Variants in MPND observed in about 807,000 individuals in gnomAD.
MPND encodes MPN domain containing.
Under a neutral mutation model 59.2 loss-of-function variants are expected in MPND, and 56 were observed. That is an observed-to-expected ratio of 0.95 (90% CI 0.76 to 1.18). The LOEUF is 1.18. Among genes scored for constraint, MPND ranks in the 50% most tolerant of loss-of-function variants. The pLI, the probability that MPND is intolerant of heterozygous loss-of-function variation, is 0.00. For missense variants in MPND, 671 were observed against 676.0 expected (o/e 0.99, Z 0.08); for synonymous variants, 323 against 291.9 (o/e 1.11, Z -1.09).
At chr19:4,346,035 G>A in intron 3 of MPND, 54 bp downstream of exon 3, 1 of 1,481,446 alleles carries the variant, frequency 6.8e-7, no homozygotes, top group Admixed American at 1.9e-5. Flanking sequence ...GGAATGAGGG[G>A]TGCCCAGCCT....
chr19:4,346,359 A>G (rs1972185928), intron 3 of MPND, among the ~76,000 whole-genome samples: 1 of 152,052 alleles, frequency 6.6e-6, no homozygotes, highest in Admixed American at 6.6e-5. Flanking sequence ...ATGATAATAG[A>G]TGTTCCCTGA....
At chr19:4,358,010 A>G in intron 10 of MPND, 73 bp from the exon 11 acceptor site, 2 of 1,276,790 alleles carry the variant, frequency 1.6e-6, no homozygotes, top group Non-Finnish European at 2.2e-6. Flanking sequence ...CAGCCCGGGC[A>G]CTGCCAATTG....
In MPND at chr19:4,357,316, A is replaced by G. The variant is rs779495150; in HGVS notation, c.1060A>G (p.Ser354Gly). The change falls in exon 9 of 13, where the codon AGC (serine) becomes GGC (glycine). Residue 354 changes from serine (S) to glycine (G), a missense_variant. Coordinates refer to ENST00000599840, the MANE Select transcript of MPND (RefSeq NM_001300862.2). ...LVGWYHSHPH[S>G]PALPSLQDID... ...GGGCTGGTACCACAGCCACCCACAC[A>G]GCCCGGCGCTGCCATCTCTGCAGGA... is the stretch of plus-strand genomic sequence containing the variant. The G allele has an allele frequency of 6.2e-7, 1 of 1,613,130 alleles. No homozygotes were observed. Among genetic ancestry groups the G allele is most frequent in the East Asian group, 2.2e-5 (1 of 44,882 alleles).
At chr19:4,353,536 G>A (rs1293487966) in intron 4 of MPND, among the ~76,000 whole-genome samples, 1 of 150,708 alleles carries the variant, frequency 6.6e-6, no homozygotes, top group African/African-American at 2.4e-5. Context: ...CCAAAGTGTT[G>A]GGATTACAGG....
rs1568402613 is a variant in MPND at position 4,359,965 on chromosome 19, T to A, written c.1469T>A (p.Leu490Gln). ...AAGGACCAGAGCCTGTGTCACGTCCTGGAACAGGTGTGCGGCGTCCTCAAG... is the reference window on the plus strand; with the variant it reads ...AAGGACCAGAGCCTGTGTCACGTCCAGGAACAGGTGTGCGGCGTCCTCAAG... ...TPKDQSLCHVLEQVCGVLKQG... is the reference protein window; with the variant it reads ...TPKDQSLCHVQEQVCGVLKQG... The change falls in exon 13 of 13, where the codon CTG (leucine) becomes CAG (glutamine). Residue 490 changes from leucine (L) to glutamine (Q), a missense_variant. Transcript: ENST00000599840. 1 of 1,573,762 alleles carries A rather than the reference T, an allele frequency of 6.4e-7. No individual in the cohort carries two copies. The highest frequency in any genetic ancestry group is 8.6e-7 in the Non-Finnish European group (1 of 1,159,240).
chr19:4,355,819 A>G (rs1972426522), intron 8 of MPND, among the ~76,000 whole-genome samples: 2 of 150,624 alleles, frequency 1.3e-5, no homozygotes, highest in African/African-American at 4.9e-5. Flanking sequence ...CGGTCTCCCA[A>G]AGTGCTGGGA....
At chr19:4,349,643 T>C (rs1478179446) in intron 3 of MPND, among the ~76,000 whole-genome samples, 1 of 152,144 alleles carries the variant, frequency 6.6e-6, no homozygotes, top group Non-Finnish European at 1.5e-5. Flanking sequence ...CCTGAGTAGC[T>C]GGGACTACAG....
intron 10 of MPND, 111 bp downstream of exon 10, chr19:4,357,696 G>A: frequency 1.9e-6 from 2 of 1,067,124 alleles, no homozygotes; most frequent in East Asian, 2.6e-5. Context: ...TGGGGCCCCA[G>A]TTTCTCCATC....
intron 3 of MPND, among the ~76,000 whole-genome samples, chr19:4,351,664 C>A (rs975620979): frequency 6.7e-6 from 1 of 149,790 alleles, no homozygotes; most frequent in Non-Finnish European, 1.5e-5. Context: ...CGATCGAGAC[C>A]ATCCTGGCTA....
intron 4 of MPND, 33 bp from the exon 5 acceptor site, chr19:4,354,012 G>C (rs373654341): frequency 1.9e-6 from 3 of 1,596,240 alleles, no homozygotes; most frequent in Admixed American, 3.3e-5. Flanking sequence ...ACTTGGGCTG[G>C]GGAGGGACTG....
rs1029515879 is a variant in MPND at position 4,359,915 on chromosome 19, G to C, written c.1420-1G>C. On this transcript the variant is annotated splice_acceptor_variant, in intron 12 of 12. Transcript: ENST00000599840. LOFTEE classifies it high-confidence loss of function. ...CCTGAGGCCCAGCCCCCTCGTTTCAGATCTCCTTGGCCAGCAGGACGCCCA... is the reference window on the plus strand; with the variant it reads ...CCTGAGGCCCAGCCCCCTCGTTTCACATCTCCTTGGCCAGCAGGACGCCCA... 5.8e-6 allele frequency: 9 copies of C among 1,564,250 alleles called. No individual in the cohort carries two copies. Among genetic ancestry groups the C allele is most frequent in the Non-Finnish European group, 7.8e-6 (9 of 1,154,084 alleles).
intron 3 of MPND, among the ~76,000 whole-genome samples, chr19:4,346,846 A>G (rs1172033391): frequency 6.8e-6 from 1 of 147,922 alleles, no homozygotes; most frequent in African/African-American, 2.5e-5. Flanking sequence ...CCTGGCCAAC[A>G]TGGTGAAACC....
chr19:4,352,839 A>AG lies in MPND; in HGVS notation c.532-57dup, dbSNP rs370497874. On this transcript the variant is annotated intron_variant, in intron 3 of 12. Transcript: ENST00000599840. ...AGGGCTGGGGTGGGATTTAGCAGGG[A>AG]GCGGGGGGGCACCCAGCTGAGGGTC... 3.2e-4 allele frequency: 387 copies of AG among 1,228,516 alleles called. No homozygotes were observed. In the African/African-American group the frequency reaches 4.0e-3, roughly 13 times the overall value. 76.1% of individuals were successfully genotyped at this position (1,228,516 alleles called of 1,614,324 possible). A position where few individuals can be genotyped will look rare whatever the true frequency, so the allele number is the denominator to read the frequency against.
At chr19:4,346,553 ACTACAGACGCATG>A (rs931213081) in intron 3 of MPND, among the ~76,000 whole-genome samples, 2 of 151,794 alleles carry the variant, frequency 1.3e-5, no homozygotes, top group African/African-American at 4.8e-5. Context: ...TAGTAGCTGG[ACTACAGACGCATG>A]CCACCACACC....
chr19:4,350,957 G>A (rs1346497885), intron 3 of MPND, among the ~76,000 whole-genome samples: 1 of 152,114 alleles, frequency 6.6e-6, no homozygotes, highest in East Asian at 1.9e-4. Flanking sequence ...TGGGATCCGG[G>A]GGTTGTGTGA....
chr19:4,352,846 G>A, intron 3 of MPND, 51 bp from the exon 4 acceptor site: 1 of 1,312,938 alleles, frequency 7.6e-7, no homozygotes, highest in Non-Finnish European at 9.8e-7. Context: ...GGGAGCGGGG[G>A]GGCACCCAGC....
In MPND at chr19:4,359,978, C is replaced by T. The variant is rs747165299; in HGVS notation, c.1482C>T (p.Cys494=). 42 of 1,568,566 alleles carry T rather than the reference C, an allele frequency of 2.7e-5. 1 individual carries two copies. Among genetic ancestry groups the T allele is most frequent in the South Asian group, 5.9e-5 (5 of 85,278 alleles). The part of the protein sequence containing the change: ...QSLCHVLEQV[C]GVLKQGS The stretch of plus-strand genomic sequence containing the variant: ...TGTGTCACGTCCTGGAACAGGTGTG[C>T]GGCGTCCTCAAGCAGGGGAGCTGAG... The change falls in exon 13 of 13, where the codon TGC becomes TGT. Residue 494 remains cysteine, a synonymous_variant. Transcript: ENST00000599840.
chr19:4,353,890 G>A (rs1972374080), intron 4 of MPND, 155 bp from the exon 5 acceptor site: 2 of 635,434 alleles, frequency 3.1e-6, no homozygotes, highest in Admixed American at 2.7e-5. Flanking sequence ...GTGCAGTGGT[G>A]TGATCACAGC....
In MPND at chr19:4,357,687, G is replaced by C. The variant is rs193242680; in HGVS notation, c.1236+102G>C. On this transcript the variant is annotated intron_variant, in intron 10 of 12. Transcript: ENST00000599840. ...TGGTTCCAGGCTCCACTGGAGAGTT[G>C]GGGCCCCAGTTTCTCCATCTATGAA... 6 of 1,214,726 alleles carry C rather than the reference G, an allele frequency of 4.9e-6. No homozygotes were observed. The East Asian group carries it at 1.5e-4, about 31-fold the overall frequency. The allele number at this position is 1,214,726 out of a possible 1,614,324, so 75.2% of individuals were successfully genotyped here.
Sources: allele counts gnomAD v4.1 joint callset (sites outside exome capture counted in the v4.1 genomes callset), GRCh38; gene constraint gnomAD v4.1.1; transcripts MANE v1.5; gene names NCBI Gene and HGNC (gene_info 2026-07-23, HGNC 2026-07-21).